Variants in DRG1 observed in about 807,000 individuals in gnomAD.
DRG1 encodes the protein developmentally regulated GTP binding protein 1, also known as developmentally-regulated GTP-binding protein 1.
In DRG1, 19 loss-of-function variants were observed where a neutral mutation model predicts 38.8. The ratio of observed to expected loss-of-function variants is 0.49; its 90% confidence interval spans 0.34 to 0.72. The LOEUF (loss-of-function observed/expected upper bound fraction) is 0.72. Ranked by LOEUF, DRG1 falls within the 30% of genes least tolerant of loss-of-function variation. The probability of loss-of-function intolerance (pLI) is 0.01; values close to 1 mark genes in which losing one functional copy is unlikely to be tolerated. For synonymous variants in DRG1, 167 were observed against 157.5 expected, an observed-to-expected ratio of 1.06 and a Z score of -0.45; for missense variants, 299 against 444.8, an observed-to-expected ratio of 0.67 and a Z score of 2.95.
chr22:31,409,358 G>A (rs1187147900), intron 3 of DRG1, among the ~76,000 whole-genome samples: 5 of 152,036 alleles, frequency 3.3e-5, no homozygotes, highest in Non-Finnish European at 7.4e-5. Context: ...AAGTGCTGTG[G>A]AATTATAGGT....
intron 6 of DRG1, among the ~76,000 whole-genome samples, chr22:31,424,117 G>A (rs1465246617): frequency 2.6e-5 from 4 of 151,564 alleles, no homozygotes; most frequent in South Asian, 2.1e-4. Flanking sequence ...ACCCCACCTC[G>A]GTCTCCCAAA....
At chr22:31,432,948 G>C (rs1188374262) in intron 8 of DRG1, among the ~76,000 whole-genome samples, 1 of 151,560 alleles carries the variant, frequency 6.6e-6, no homozygotes, top group East Asian at 1.9e-4. Context: ...ATAGTTCTTA[G>C]TCTCTGTGAG....
At chr22:31,402,761 C>T (rs2049970266) in intron 2 of DRG1, among the ~76,000 whole-genome samples, 2 of 152,260 alleles carry the variant, frequency 1.3e-5, no homozygotes, top group South Asian at 2.1e-4. Context: ...CCTCCTGCCT[C>T]AGCCTCTGGA....
At chr22:31,400,770 T>TA (rs759086674) in intron 2 of DRG1, 27 bp downstream of exon 2, 63 of 1,596,104 alleles carry the variant, frequency 3.9e-5, no homozygotes, top group Middle Eastern at 2.0e-4. Flanking sequence ...AATATATATA[T>TA]TTTTAGGTAT....
chr22:31,433,761 A>C (rs953116702), intron 8 of DRG1, 111 bp from the exon 9 acceptor site: 55 of 862,350 alleles, frequency 6.4e-5, no homozygotes, highest in South Asian at 3.3e-5. Flanking sequence ...TTGTAGGTCT[A>C]TGGTTCTTAA....
At chr22:31,429,437 A>G (rs998197836) in intron 8 of DRG1, among the ~76,000 whole-genome samples, 2 of 150,932 alleles carry the variant, frequency 1.3e-5, no homozygotes, top group Non-Finnish European at 3.0e-5. Flanking sequence ...GTGATTCTTT[A>G]TTTTCCTTTT....
At chr22:31,424,440 T>C (rs2050095957) in intron 6 of DRG1, among the ~76,000 whole-genome samples, 1 of 150,906 alleles carries the variant, frequency 6.6e-6, no homozygotes, top group South Asian at 2.1e-4. Context: ...CATGAGCCAC[T>C]GCGTCCAGCC....
chr22:31,422,155 G>C (rs2050080650), intron 5 of DRG1, among the ~76,000 whole-genome samples: 1 of 151,344 alleles, frequency 6.6e-6, no homozygotes, highest in African/African-American at 2.4e-5. Flanking sequence ...GAATCGGCCA[G>C]GCACGGTGGC....
intron 3 of DRG1, among the ~76,000 whole-genome samples, chr22:31,410,435 G>A (rs1601526900): frequency 2.0e-5 from 3 of 151,938 alleles, no homozygotes; most frequent in East Asian, 3.9e-4. Flanking sequence ...AGCTTGGGCG[G>A]CAGAGTGAGA....
At chr22:31,409,031 C>A (rs1028280857) in intron 3 of DRG1, among the ~76,000 whole-genome samples, 1 of 152,118 alleles carries the variant, frequency 6.6e-6, no homozygotes, top group African/African-American at 2.4e-5. Context: ...TTTTACCTTA[C>A]TGCATTTCCT....
chr22:31,412,352 CT>C (rs539328480), intron 4 of DRG1, among the ~76,000 whole-genome samples: 103 of 127,252 alleles, frequency 8.1e-4, no homozygotes, highest in Non-Finnish European at 7.6e-4. Context: ...TTCTTTCTTT[CT>C]TTTTTTTTTT....
At chr22:31,402,303 A>C (rs1009405389) in intron 2 of DRG1, among the ~76,000 whole-genome samples, 1 of 152,088 alleles carries the variant, frequency 6.6e-6, no homozygotes, top group African/African-American at 2.4e-5. Flanking sequence ...GAAAAAAGAA[A>C]AAAAGAAAAC....
chr22:31,401,829 A>G (rs695269), intron 2 of DRG1, among the ~76,000 whole-genome samples: 128,076 of 152,012 alleles, frequency 0.84, 54,196 homozygotes, highest in East Asian at 0.94. Context: ...CGAAGTGGGC[A>G]GATCACAGGT....
chr22:31,427,336 G>T (rs751625698), intron 8 of DRG1, among the ~76,000 whole-genome samples, 154 bp downstream of exon 8: 1 of 152,132 alleles, frequency 6.6e-6, no homozygotes, highest in Non-Finnish European at 1.5e-5. Flanking sequence ...TCTTAAAACC[G>T]TGCCTAATTA....
intron 4 of DRG1, among the ~76,000 whole-genome samples, chr22:31,415,463 T>G (rs1469087068): frequency 1.3e-5 from 2 of 151,912 alleles, no homozygotes; most frequent in African/African-American, 4.8e-5. Flanking sequence ...AATCCTTAAT[T>G]TTGTTAGAAT....
At chr22:31,407,725 G>C (rs2049996848) in intron 3 of DRG1, among the ~76,000 whole-genome samples, 1 of 136,098 alleles carries the variant, frequency 7.3e-6, no homozygotes, top group East Asian at 2.2e-4. Context: ...TGGAGAAGTT[G>C]AACTGTCTCG....
At chr22:31,402,975 T>G in intron 2 of DRG1, 54 bp from the exon 3 acceptor site, 1 of 1,560,766 alleles carries the variant, frequency 6.4e-7, no homozygotes, top group Middle Eastern at 2.4e-4. Flanking sequence ...GTTATATGAG[T>G]CTTAACACTC....
At chr22:31,422,277 C>G (rs1448344424) in intron 5 of DRG1, among the ~76,000 whole-genome samples, 1 of 151,818 alleles carries the variant, frequency 6.6e-6, no homozygotes. Context: ...ACTAAAAATA[C>G]AAAAATTAGC....
intron 4 of DRG1, among the ~76,000 whole-genome samples, chr22:31,418,976 G>A (rs904807567): frequency 3.3e-5 from 5 of 151,566 alleles, no homozygotes; most frequent in Non-Finnish European, 7.4e-5. Flanking sequence ...CCACTGCGCC[G>A]GCCAGTTTTT....
Sources: allele counts gnomAD v4.1 joint callset (sites outside exome capture counted in the v4.1 genomes callset), GRCh38; gene constraint gnomAD v4.1.1; transcripts MANE v1.5; gene names NCBI Gene and HGNC (gene_info 2026-07-23, HGNC 2026-07-21).